The following MIER1 variants were observed in gnomAD, a reference collection of about 807,000 sequenced individuals.
MIER1 encodes the protein MIER1 transcriptional regulator.
MIER1 carries 40 observed loss-of-function variants against 75.7 expected under a neutral mutation model. That is an observed-to-expected ratio of 0.53 (90% confidence interval 0.41 to 0.69). MIER1 has a LOEUF of 0.69. MIER1 is among the 30% of genes least tolerant of loss of function. The pLI is 0.00. For synonymous variants in MIER1, 213 were observed against 223.4 expected (o/e 0.95, Z 0.42); for missense variants, 574 against 680.2 (o/e 0.84, Z 1.74).
chr1:66,953,458 T>A (rs781537710), intron 4 of MIER1, among the ~76,000 whole-genome samples: 11 of 152,204 alleles, frequency 7.2e-5, no homozygotes, highest in Middle Eastern at 3.2e-3. Context: ...AGAGACTTTT[T>A]ATACTGTCGT....
rs557831984 is a variant in MIER1 at position 66,985,206 on chromosome 1, C to G, written c.*306C>G. The G allele has an allele frequency of 1.1e-4, 103 of 975,146 alleles. No individual in the cohort carries two copies. The highest frequency in any genetic ancestry group is 1.3e-4 in the Non-Finnish European group (102 of 814,358). The allele number at this position is 975,146 out of a possible 1,614,324, so 60.4% of individuals were successfully genotyped here. ...ACTAATTTTGGTAAATCTGAATGAA[C>G]TAAAGATGTATCTGTACCTTCTCAT... On this transcript the variant is annotated 3_prime_UTR_variant, in exon 14 of 14. Coordinates refer to ENST00000401041, the MANE Select transcript of MIER1 (RefSeq NM_001077700.3).
rs535667504 is a variant in MIER1 at position 66,979,086 on chromosome 1, C to A, written c.1229+2364C>A. Among the ~76,000 whole-genome samples the A allele has an allele frequency of 5.3e-5, 8 of 151,936 alleles. No individual in the cohort carries two copies. The South Asian group carries it at 1.7e-3, about 32-fold the overall frequency. On this transcript the variant is annotated intron_variant, in intron 12 of 13. Coordinates refer to ENST00000401041, the MANE Select transcript of MIER1 (RefSeq NM_001077700.3). ...TGGTTTTGTAGGCTTCAGTTGTAGC[C>A]CCACTGGGTTGTTTTTTTTTTATAA...
chr1:66,944,443 AC>A (rs1656998207), intron 3 of MIER1, among the ~76,000 whole-genome samples: 1 of 150,890 alleles, frequency 6.6e-6, no homozygotes, highest in Admixed American at 6.6e-5. Context: ...AAGTTTTACT[AC>A]TGCCAATGTA....
rs374793329 is a variant in MIER1, at chr1:66,952,062, C to T, written c.339+5767C>T. ...AACATAATATTTGGCACATAATAAA[C>T]ACAAAATAAATCTTAGTTAATGTCA... On this transcript the variant is annotated intron_variant, in intron 4 of 13. Coordinates refer to ENST00000401041, the MANE Select transcript of MIER1 (RefSeq NM_001077700.3). 9.9e-5 allele frequency among the ~76,000 whole-genome samples: 15 copies of T among 152,232 alleles called. No individual in the cohort carries two copies. In the East Asian group the frequency reaches 1.7e-3, roughly 18 times the overall value.
intron 3 of MIER1, among the ~76,000 whole-genome samples, chr1:66,945,770 G>A (rs971400770): frequency 1.3e-5 from 2 of 152,050 alleles, no homozygotes; most frequent in African/African-American, 4.8e-5. Context: ...GAGGTAGAAG[G>A]ATCGCTTGGC....
chr1:66,971,105 C>T lies in MIER1; in HGVS notation c.924+146C>T, dbSNP rs1663508108. 7.1e-6 allele frequency: 5 copies of T among 703,504 alleles called. No individual in the cohort carries two copies. The South Asian group carries it at 7.8e-5, about 11-fold the overall frequency. The allele number at this position is 703,504 out of a possible 1,614,324, so 43.6% of individuals were successfully genotyped here. The stretch of plus-strand genomic sequence containing the variant: ...GAGGTTATAATCCCTGTAAGATATC[C>T]GTTGTTACCACAGTGACTTCATTGG... On this transcript the variant is annotated intron_variant, in intron 9 of 13. Transcript: ENST00000401041.
chr1:66,928,859 TCTC>T, intron 2 of MIER1: 1 of 1,511,048 alleles, frequency 6.6e-7, no homozygotes, highest in Non-Finnish European at 9.1e-7. Flanking sequence ...AGTTTTCCTT[TCTC>T]TTCTTTCCCT....
At chr1:66,958,397 T>C (rs1660596107) in intron 5 of MIER1, among the ~76,000 whole-genome samples, 177 bp downstream of exon 5, 1 of 152,148 alleles carries the variant, frequency 6.6e-6, no homozygotes, top group Non-Finnish European at 1.5e-5. Context: ...AATTTACTCC[T>C]GAGGTAACAG....
intron 2 of MIER1, among the ~76,000 whole-genome samples, chr1:66,928,229 A>G (rs1171772491): frequency 6.6e-6 from 1 of 152,124 alleles, no homozygotes; most frequent in East Asian, 1.9e-4. Context: ...TTAAAGAGTT[A>G]TTTAACAGTA....
At chr1:66,973,055 A>G (rs1664018140) in intron 11 of MIER1, 64 bp downstream of exon 11, 7 of 856,726 alleles carry the variant, frequency 8.2e-6, no homozygotes, top group South Asian at 1.5e-5. Context: ...ATGGTCATGT[A>G]TCGTAATTTG....
chr1:66,969,445 T>A (rs1041133237), intron 8 of MIER1, among the ~76,000 whole-genome samples: 12 of 147,174 alleles, frequency 8.2e-5, no homozygotes, highest in Admixed American at 2.1e-4. Context: ...CTCTGGAGGC[T>A]GAGGCAGGAG....
At chr1:66,949,677 GAACCAAAC>G (rs1558051658) in intron 4 of MIER1, among the ~76,000 whole-genome samples, 1 of 152,180 alleles carries the variant, frequency 6.6e-6, no homozygotes, top group Non-Finnish European at 1.5e-5. Context: ...CTTTAGGTTT[GAACCAAAC>G]AAAATTCTTG....
At chr1:66,930,316 C>T (rs1210351377) in intron 2 of MIER1, 12 of 1,587,658 alleles carry the variant, frequency 7.6e-6, no homozygotes, top group Non-Finnish European at 1.0e-5. Context: ...AGTCCCGTTG[C>T]TGAGTCTCAC....
intron 8 of MIER1, among the ~76,000 whole-genome samples, chr1:66,969,316 C>T (rs993331320): frequency 6.6e-6 from 1 of 151,604 alleles, no homozygotes; most frequent in Non-Finnish European, 1.5e-5. Flanking sequence ...GAGGCCGAGG[C>T]GGGTGGATCA....
chr1:66,959,081 T>G, intron 6 of MIER1, 98 bp downstream of exon 6: 4 of 1,006,242 alleles, frequency 4.0e-6, no homozygotes, highest in Non-Finnish European at 5.9e-6. Flanking sequence ...ATTCATTTAG[T>G]CTGAAATTCT....
At chr1:66,977,615 A>AT (rs1272109376) in intron 12 of MIER1, among the ~76,000 whole-genome samples, 2 of 152,170 alleles carry the variant, frequency 1.3e-5, no homozygotes, top group Non-Finnish European at 2.9e-5. Flanking sequence ...AAGAGAATTT[A>AT]TTGTCTACAC....
In MIER1 at chr1:66,958,856, G is replaced by A. The variant is rs752065793; in HGVS notation, c.507G>A (p.Glu169=). The change falls in exon 6 of 14, where the codon GAG becomes GAA. Residue 169 remains glutamate, a synonymous_variant. Coordinates refer to ENST00000401041, the MANE Select transcript of MIER1 (RefSeq NM_001077700.3). ...NSGCSGENKE[E]NIKDSSGQED... ...TTTAATTTATTATTCCACAGGAGGAGAATATAAAGGATTCATCAGGTCAGG... is the reference window on the plus strand; with the variant it reads ...TTTAATTTATTATTCCACAGGAGGAAAATATAAAGGATTCATCAGGTCAGG... 6 of 1,605,050 alleles carry A rather than the reference G, an allele frequency of 3.7e-6. No individual in the cohort carries two copies. In the South Asian group the frequency reaches 5.6e-5, roughly 15 times the overall value.
chr1:66,959,982 G>A (rs1660943893), intron 7 of MIER1: 1 of 235,824 alleles, frequency 4.2e-6, no homozygotes, highest in Admixed American at 5.7e-5. Flanking sequence ...CACTTGGGAG[G>A]CTGAGGCAGG....
At position 66,955,792 on chromosome 1, in the gene MIER1, T is replaced by TAA. The variant is rs570361134; in HGVS notation, c.340-2267_340-2266insAA. On this transcript the variant is annotated intron_variant, in intron 4 of 13. Coordinates refer to ENST00000401041, the MANE Select transcript of MIER1 (RefSeq NM_001077700.3). Reference sequence around the variant, plus strand: ...GGGGCCCTTATTCATACTAGTGACTTCAGTGGCTTTTATTCACAATAGTGA... The same window carrying TAA: ...GGGGCCCTTATTCATACTAGTGACTTAACAGTGGCTTTTATTCACAATAGTGA... Among the ~76,000 whole-genome samples, 8 of 152,330 alleles carry TAA rather than the reference T, an allele frequency of 5.3e-5. No homozygotes were observed. The South Asian group carries it at 1.5e-3, about 28-fold the overall frequency.
Sources: allele counts gnomAD v4.1 joint callset (sites outside exome capture counted in the v4.1 genomes callset), GRCh38; gene constraint gnomAD v4.1.1; transcripts MANE v1.5; gene names NCBI Gene and HGNC (gene_info 2026-07-23, HGNC 2026-07-21).